Variants in DIP2B observed in about 807,000 individuals in gnomAD.
The protein encoded by DIP2B is DIP2 acetate--CoA ligase B (putative), also known as disco-interacting protein 2 homolog B.
Under a neutral mutation model 198.0 loss-of-function variants are expected in DIP2B, and 76 were observed. That is an observed-to-expected ratio of 0.38 (90% CI 0.32 to 0.46). DIP2B has a LOEUF of 0.46. DIP2B is among the 20% of genes least tolerant of loss of function. DIP2B has a pLI of 0.99. For missense variants in DIP2B, 1,559 were observed against 1,978.4 expected (o/e 0.79, Z 4.02); for synonymous variants, 701 against 739.1 (o/e 0.95, Z 0.84).
chr12:50,707,540 C>G (rs955125822), intron 21 of DIP2B, among the ~76,000 whole-genome samples: 10 of 152,228 alleles, frequency 6.6e-5, no homozygotes, highest in African/African-American at 2.4e-4. Context: ...AACAAATATT[C>G]ATTGGGTGCC....
intron 5 of DIP2B, among the ~76,000 whole-genome samples, chr12:50,673,454 A>G (rs1274266333): frequency 6.6e-6 from 1 of 152,208 alleles, no homozygotes; most frequent in Non-Finnish European, 1.5e-5. Flanking sequence ...CCTGTTGAAC[A>G]GGGATCTTTT....
At chr12:50,661,531 C>T (rs1938647325) in intron 4 of DIP2B, among the ~76,000 whole-genome samples, 1 of 152,174 alleles carries the variant, frequency 6.6e-6, no homozygotes, top group Admixed American at 6.5e-5. Context: ...AGAGAAATAG[C>T]TCTGTGGCTT....
At chr12:50,707,230 TC>T (rs1196566047) in intron 21 of DIP2B, among the ~76,000 whole-genome samples, 2 of 152,272 alleles carry the variant, frequency 1.3e-5, no homozygotes, top group Non-Finnish European at 2.9e-5. Context: ...CAATTTGCAA[TC>T]GTAGATGTGT....
chr12:50,568,141 G>T (rs1219226281), intron 1 of DIP2B, among the ~76,000 whole-genome samples: 1 of 152,188 alleles, frequency 6.6e-6, no homozygotes, highest in African/African-American at 2.4e-5. Context: ...GACTGACCCT[G>T]CCTAAGCACT....
chr12:50,605,035 A>T (rs1958969816), intron 1 of DIP2B, among the ~76,000 whole-genome samples: 1 of 152,180 alleles, frequency 6.6e-6, no homozygotes, highest in African/African-American at 2.4e-5. Context: ...AGATTCTTAT[A>T]AATGACTTGA....
In DIP2B at chr12:50,745,772, T is replaced by C. The variant is rs1940333100; in HGVS notation, c.*933T>C. On this transcript the variant is annotated 3_prime_UTR_variant, in exon 38 of 38. Transcript: ENST00000301180. ...CCTATTCTAAGGAACCACAATAACT[T>C]ACTCTGGCCCCAGTGTTAAAACGAT... 1 of 152,526 alleles carries C rather than the reference T, an allele frequency of 6.6e-6. No individual in the cohort carries two copies. Among genetic ancestry groups the C allele is most frequent in the Middle Eastern group, 3.2e-3 (1 of 316 alleles). The allele number at this position is 152,526 out of a possible 1,614,324, so 9.4% of individuals were successfully genotyped here. A position where few individuals can be genotyped will look rare whatever the true frequency, so the allele number is the denominator to read the frequency against.
At chr12:50,540,022 A>G (rs1239272765) in intron 1 of DIP2B, among the ~76,000 whole-genome samples, 1 of 121,646 alleles carries the variant, frequency 8.2e-6, no homozygotes, top group Non-Finnish European at 1.6e-5. Context: ...TAATCCATTC[A>G]CCAGCTGGCA....
At position 50,691,259 on chromosome 12, in the gene DIP2B, A is replaced by G; in HGVS notation, c.1654+108A>G. ...ATTTAATGACCGAATTCAGAGTGAA[A>G]TGTCCCAAGACACATTCTTGGCTTG... On this transcript the variant is annotated intron_variant, in intron 13 of 37. Coordinates refer to ENST00000301180, the MANE Select transcript of DIP2B (RefSeq NM_173602.3). The G allele has an allele frequency of 5.0e-6, 5 of 992,904 alleles. No homozygotes were observed. The South Asian group carries it at 7.5e-5, about 15-fold the overall frequency. 61.5% of individuals were successfully genotyped at this position (992,904 alleles called of 1,614,324 possible).
At position 50,686,675 on chromosome 12, in the gene DIP2B, A is replaced by C. The variant is rs776922455; in HGVS notation, c.1544A>C (p.Tyr515Ser). 1.2e-6 allele frequency: 2 copies of C among 1,613,850 alleles called. No homozygotes were observed. The highest frequency in any genetic ancestry group is 2.7e-5 in the African/African-American group (2 of 75,044). The part of the protein sequence containing the change: ...HISPAGTEPA[Y>S]IEYKTSKEGS... Reference sequence around the variant, plus strand: ...TCACCTGCTGGGACAGAACCGGCATACATTGAGGTAAGTCCTAAGATGTAA... The same window carrying C: ...TCACCTGCTGGGACAGAACCGGCATCCATTGAGGTAAGTCCTAAGATGTAA... The change falls in exon 12 of 38, where the codon TAC (tyrosine) becomes TCC (serine). Residue 515 changes from tyrosine (Y) to serine (S), a missense_variant. By Grantham distance (144) the Tyr-to-Ser change is moderately radical (BLOSUM62 -2). Coordinates refer to ENST00000301180, the MANE Select transcript of DIP2B (RefSeq NM_173602.3).
chr12:50,684,744 A>G (rs1449588391), intron 10 of DIP2B, among the ~76,000 whole-genome samples: 1 of 152,028 alleles, frequency 6.6e-6, no homozygotes, highest in African/African-American at 2.4e-5. Context: ...GTGAGTCAAG[A>G]TTGCGCCACT....
intron 4 of DIP2B, 96 bp downstream of exon 4, chr12:50,660,415 T>G: frequency 1.5e-6 from 2 of 1,328,364 alleles, no homozygotes; most frequent in Non-Finnish European, 2.0e-6. Context: ...AACCAGAATC[T>G]TCTCCCCGCC....
chr12:50,656,633 A>G (rs1447376738), intron 3 of DIP2B, among the ~76,000 whole-genome samples: 1 of 152,168 alleles, frequency 6.6e-6, no homozygotes, highest in Non-Finnish European at 1.5e-5. Flanking sequence ...GTGCAGTGGC[A>G]CAATCTTGGC....
intron 1 of DIP2B, among the ~76,000 whole-genome samples, chr12:50,602,163 G>C (rs1254294799): frequency 6.6e-6 from 1 of 152,190 alleles, no homozygotes; most frequent in Non-Finnish European, 1.5e-5. Context: ...TCTACTAATA[G>C]AACGAGATGT....
chr12:50,732,225 G>A (rs2139598654), intron 31 of DIP2B, 141 bp from the exon 32 acceptor site: 1 of 865,684 alleles, frequency 1.2e-6, no homozygotes, highest in South Asian at 2.0e-5. Flanking sequence ...TTTTCTGAAA[G>A]CTGCTTTTTT....
chr12:50,593,257 A>G (rs1242808359), intron 1 of DIP2B, among the ~76,000 whole-genome samples: 1 of 152,200 alleles, frequency 6.6e-6, no homozygotes, highest in Non-Finnish European at 1.5e-5. Context: ...CTGTAATCCC[A>G]GCACTTTGGG....
At chr12:50,658,010 G>A (rs572012609) in intron 3 of DIP2B, among the ~76,000 whole-genome samples, 2 of 151,788 alleles carry the variant, frequency 1.3e-5, no homozygotes, top group South Asian at 4.2e-4. Context: ...CAGCACTTCG[G>A]GAGACTGAGG....
At chr12:50,533,592 A>G (rs1958237480) in intron 1 of DIP2B, among the ~76,000 whole-genome samples, 1 of 142,558 alleles carries the variant, frequency 7.0e-6, no homozygotes, top group South Asian at 2.3e-4. Flanking sequence ...TAACTGCCCT[A>G]TCAAGGAAGA....
chr12:50,599,568 A>G (rs1046494751), intron 1 of DIP2B, among the ~76,000 whole-genome samples: 2 of 151,956 alleles, frequency 1.3e-5, no homozygotes, highest in African/African-American at 4.8e-5. Flanking sequence ...GTGAGCCGAG[A>G]TTGCGCCATT....
chr12:50,690,424 G>A (rs1384767223), intron 12 of DIP2B, among the ~76,000 whole-genome samples: 1 of 152,168 alleles, frequency 6.6e-6, no homozygotes, highest in Non-Finnish European at 1.5e-5. Flanking sequence ...AGTGGCATAT[G>A]CCTGTAGTTC....
Sources: gnomAD v4.1 joint callset for allele counts (sites outside exome capture counted in the v4.1 genomes callset) on GRCh38, gnomAD v4.1.1 for gene constraint, MANE v1.5 for transcripts, NCBI Gene and HGNC (gene_info 2026-07-23, HGNC 2026-07-21) for gene names.